Variants in OR9Q1 observed in about 807,000 individuals in gnomAD.
OR9Q1 encodes olfactory receptor family 9 subfamily Q member 1.
For missense variants in OR9Q1, 374 were observed against 378.8 expected (o/e 0.99, Z 0.11); for synonymous variants, 153 against 148.6 (o/e 1.03, Z -0.22).
At chr11:58,069,278 TA>T (rs2120014954) in intron 2 of OR9Q1, among the ~76,000 whole-genome samples, 1 of 152,314 alleles carries the variant, frequency 6.6e-6, no homozygotes, top group African/African-American at 2.4e-5. Context: ...TCGTAGCCTC[TA>T]AACTGTCTGG....
intron 2 of OR9Q1, among the ~76,000 whole-genome samples, chr11:58,114,710 C>T (rs1467475010): frequency 6.6e-6 from 1 of 152,170 alleles, no homozygotes; most frequent in Non-Finnish European, 1.5e-5. Context: ...TGATCCAGAT[C>T]TATTAGATTG....
At chr11:58,118,862 T>A in intron 2 of OR9Q1, 1 of 1,614,012 alleles carries the variant, frequency 6.2e-7, no homozygotes, top group Non-Finnish European at 8.5e-7. Flanking sequence ...ACAATCTCGA[T>A]GTTTGCTGTG....
intron 1 of OR9Q1, among the ~76,000 whole-genome samples, chr11:58,048,015 T>C (rs1853235769): frequency 6.6e-6 from 1 of 152,174 alleles, no homozygotes; most frequent in African/African-American, 2.4e-5. Flanking sequence ...TCCAAGTTTG[T>C]GTTAATCTAT....
At chr11:58,114,839 T>C (rs1853935448) in intron 2 of OR9Q1, among the ~76,000 whole-genome samples, 1 of 152,058 alleles carries the variant, frequency 6.6e-6, no homozygotes, top group South Asian at 2.1e-4. Context: ...CAGCTAGAGG[T>C]TGTGTGGGAT....
At chr11:58,040,032 T>C (rs2119937318) in intron 1 of OR9Q1, among the ~76,000 whole-genome samples, 1 of 152,332 alleles carries the variant, frequency 6.6e-6, no homozygotes, top group South Asian at 2.1e-4. Context: ...ATTATTATCC[T>C]TCTTTATAGA....
At chr11:58,028,383 G>T (rs1054223123) in intron 1 of OR9Q1, among the ~76,000 whole-genome samples, 1 of 152,190 alleles carries the variant, frequency 6.6e-6, no homozygotes, top group South Asian at 2.1e-4. Flanking sequence ...CAGATGAAAG[G>T]ACAGGTAAGA....
At chr11:58,100,305 C>A (rs1853771294) in intron 2 of OR9Q1, among the ~76,000 whole-genome samples, 1 of 152,176 alleles carries the variant, frequency 6.6e-6, no homozygotes, top group Non-Finnish European at 1.5e-5. Context: ...AAAATGGCAA[C>A]ACATACCCTT....
chr11:58,111,318 A>C (rs1427827466), intron 2 of OR9Q1, among the ~76,000 whole-genome samples: 1 of 152,120 alleles, frequency 6.6e-6, no homozygotes, highest in African/African-American at 2.4e-5. Context: ...GCAGGAGTTT[A>C]TGCATCTTTA....
intron 1 of OR9Q1, chr11:58,031,150 A>G: frequency 1.2e-6 from 2 of 1,614,130 alleles, no homozygotes; most frequent in African/African-American, 2.7e-5. Flanking sequence ...TCTTCCTGAC[A>G]CACTTGTCCT....
intron 2 of OR9Q1, among the ~76,000 whole-genome samples, chr11:58,140,846 G>A (rs564483201): frequency 5.2e-4 from 79 of 152,244 alleles, no homozygotes; most frequent in African/African-American, 1.9e-3. Context: ...AGCTTGATGG[G>A]GATGGCATTG....
intron 2 of OR9Q1, among the ~76,000 whole-genome samples, chr11:58,140,215 A>T (rs1224934178): frequency 6.7e-6 from 1 of 148,940 alleles, no homozygotes; most frequent in African/African-American, 2.5e-5. Context: ...GATTGCAAAA[A>T]TTTTCTCCCA....
chr11:58,107,914 A>G (rs1019605195), intron 2 of OR9Q1, among the ~76,000 whole-genome samples: 1 of 152,158 alleles, frequency 6.6e-6, no homozygotes, highest in African/African-American at 2.4e-5. Flanking sequence ...TTTTTACCTG[A>G]GAAAGTAGTA....
At chr11:58,139,079 G>C (rs1448052532) in intron 2 of OR9Q1, among the ~76,000 whole-genome samples, 1 of 151,366 alleles carries the variant, frequency 6.6e-6, no homozygotes, top group Non-Finnish European at 1.5e-5. Flanking sequence ...AAAGGAAGAG[G>C]GTAAAAGGAA....
chr11:58,103,867 A>C (rs970786326), intron 2 of OR9Q1, among the ~76,000 whole-genome samples: 1 of 152,154 alleles, frequency 6.6e-6, no homozygotes, highest in African/African-American at 2.4e-5. Flanking sequence ...AATCCATATT[A>C]GTAGTGTTTG....
intron 2 of OR9Q1, among the ~76,000 whole-genome samples, chr11:58,151,894 A>G (rs941756776): frequency 6.6e-6 from 1 of 152,048 alleles, no homozygotes; most frequent in African/African-American, 2.4e-5. Flanking sequence ...TCCAGTTACA[A>G]CAATCTACTG....
chr11:58,079,746 T>A (rs543994586), intron 2 of OR9Q1, among the ~76,000 whole-genome samples: 1 of 152,268 alleles, frequency 6.6e-6, no homozygotes, highest in African/African-American at 2.4e-5. Context: ...TTGCCTCAGT[T>A]GTACCAGATG....
chr11:58,048,679 A>ATATATATATATATATATATATAT (rs1554965247), intron 1 of OR9Q1, among the ~76,000 whole-genome samples: 3 of 131,428 alleles, frequency 2.3e-5, no homozygotes, highest in African/African-American at 8.4e-5. Context: ...TAAAAAAAAA[A>ATATATATATATATATATATATAT]ATATATATAT....
At chr11:58,089,481 C>G (rs1321943874) in intron 2 of OR9Q1, among the ~76,000 whole-genome samples, 1 of 151,716 alleles carries the variant, frequency 6.6e-6, no homozygotes, top group Non-Finnish European at 1.5e-5. Context: ...GGTGTTAATT[C>G]TAAGGTCTCT....
At chr11:58,091,045 G>T (rs980881788) in intron 2 of OR9Q1, among the ~76,000 whole-genome samples, 3 of 150,802 alleles carry the variant, frequency 2.0e-5, no homozygotes, top group Non-Finnish European at 4.4e-5. Context: ...TTCTTTATTA[G>T]TCTAGTGAGT....
Sources: allele counts gnomAD v4.1 joint callset (sites outside exome capture counted in the v4.1 genomes callset), GRCh38; gene constraint gnomAD v4.1.1; transcripts MANE v1.5; gene names NCBI Gene and HGNC (gene_info 2026-07-23, HGNC 2026-07-21).